Variants in MLIP observed in about 807,000 individuals in gnomAD.
MLIP encodes the protein muscular LMNA interacting protein.
Under a neutral mutation model 84.8 loss-of-function variants are expected in MLIP, and 79 were observed. The observed-to-expected ratio is 0.93, with a 90% CI of 0.78 to 1.12. The LOEUF is 1.12. MLIP is among the 50% of genes most tolerant of loss of function. MLIP has a pLI of 0.00. For missense variants in MLIP, 1,257 were observed against 1,160.6 expected, an observed-to-expected ratio of 1.08 and a Z score of -1.21; for synonymous variants, 504 against 463.0, an observed-to-expected ratio of 1.09 and a Z score of -1.14.
chr6:54,032,412 G>A (rs1042973080), intron 1 of MLIP: 1 of 152,042 alleles, frequency 6.6e-6, no homozygotes, highest in Non-Finnish European at 1.5e-5. Flanking sequence ...CCTGTGCTGA[G>A]GGGTAGCTTC....
chr6:54,111,610 CT>C (rs1207556997), intron 1 of MLIP, 35 bp downstream of exon 1: 7 of 1,532,016 alleles, frequency 4.6e-6, no homozygotes, highest in Non-Finnish European at 6.1e-6. Context: ...CTTTCAGTAA[CT>C]TTTAAAAGCA....
chr6:54,265,147 A>G (rs925416679), intron 13 of MLIP, among the ~76,000 whole-genome samples: 1 of 152,150 alleles, frequency 6.6e-6, no homozygotes, highest in African/African-American at 2.4e-5. Flanking sequence ...ACCTGGAAAT[A>G]GAAAGTTCTG....
intron 8 of MLIP, among the ~76,000 whole-genome samples, chr6:54,167,514 GTC>G (rs1170856882): frequency 1.3e-5 from 2 of 151,940 alleles, no homozygotes; most frequent in East Asian, 3.9e-4. Context: ...GTTGTTTTCA[GTC>G]TGGTTCTGAA....
chr6:54,216,776 G>A (rs1166921063), intron 11 of MLIP: 16 of 985,220 alleles, frequency 1.6e-5, no homozygotes, highest in Non-Finnish European at 1.9e-5. Context: ...TTCTAAGCAA[G>A]AAGATATGCC....
chr6:54,162,888 A>G (rs1422954429), intron 8 of MLIP, among the ~76,000 whole-genome samples: 1 of 151,962 alleles, frequency 6.6e-6, no homozygotes, highest in Non-Finnish European at 1.5e-5. Context: ...CAGGTCTGAC[A>G]AAGGAGGTGG....
chr6:54,084,836 T>C (rs1767384184), intron 1 of MLIP, among the ~76,000 whole-genome samples: 1 of 152,166 alleles, frequency 6.6e-6, no homozygotes, highest in Non-Finnish European at 1.5e-5. Flanking sequence ...CTTCAAAAAT[T>C]TGGCCATTGT....
rs762748342 is a variant in MLIP at position 54,149,050 on chromosome 6, T to G, written c.2218-6T>G. ...TCTACTCTTGCTTTCTGGTTGCCCA[T>G]TCTAGCAATACAAGACCAAGTCAAG... On this transcript the variant is annotated splice_region_variant and splice_polypyrimidine_tract_variant and intron_variant, in intron 4 of 13. Coordinates refer to ENST00000502396, the MANE Select transcript of MLIP (RefSeq NM_001281747.2). The G allele has an allele frequency of 6.2e-7, 1 of 1,611,998 alleles. No individual in the cohort carries two copies. The highest frequency in any genetic ancestry group is 8.5e-7 in the Non-Finnish European group (1 of 1,178,664).
At chr6:54,242,290 T>C (rs1469380662) in intron 12 of MLIP, among the ~76,000 whole-genome samples, 1 of 152,210 alleles carries the variant, frequency 6.6e-6, no homozygotes, top group Non-Finnish European at 1.5e-5. Context: ...CATTGAAGGT[T>C]GACTTTCCTT....
chr6:54,021,710 C>A (rs1026201744), intron 1 of MLIP, among the ~76,000 whole-genome samples: 2 of 152,142 alleles, frequency 1.3e-5, no homozygotes, highest in Non-Finnish European at 2.9e-5. Flanking sequence ...GGTACTTAAC[C>A]AATTCAAGGT....
intron 1 of MLIP, among the ~76,000 whole-genome samples, chr6:54,072,521 A>G (rs1231076513): frequency 1.3e-5 from 2 of 152,192 alleles, no homozygotes; most frequent in African/African-American, 2.4e-5. Context: ...TGATTCAGGC[A>G]TCTGTCTTCT....
At chr6:54,090,442 A>G (rs1335013214) in intron 1 of MLIP, among the ~76,000 whole-genome samples, 1 of 152,186 alleles carries the variant, frequency 6.6e-6, no homozygotes, top group East Asian at 1.9e-4. Context: ...CAAGTTTGAT[A>G]GACATTCTAG....
intron 4 of MLIP, among the ~76,000 whole-genome samples, chr6:54,140,061 C>T (rs947419369): frequency 2.0e-5 from 3 of 152,048 alleles, no homozygotes; most frequent in African/African-American, 4.8e-5. Context: ...ATTTTAAATA[C>T]ATATATGTGA....
chr6:54,205,575 T>C (rs958532685), intron 11 of MLIP, among the ~76,000 whole-genome samples: 35 of 152,326 alleles, frequency 2.3e-4, no homozygotes, highest in African/African-American at 7.7e-4. Context: ...CAGAAATGTA[T>C]TTACTGTAGT....
intron 10 of MLIP, 45 bp from the exon 11 acceptor site, chr6:54,202,060 G>A: frequency 1.5e-6 from 2 of 1,369,034 alleles, no homozygotes; most frequent in Non-Finnish European, 9.8e-7. Context: ...CATTTTAATA[G>A]TGTTTTTTTC....
intron 1 of MLIP, among the ~76,000 whole-genome samples, chr6:54,116,668 A>G (rs967605729): frequency 6.6e-6 from 1 of 152,232 alleles, no homozygotes; most frequent in African/African-American, 2.4e-5. Flanking sequence ...AAACATTTAA[A>G]GAAGAACTAA....
At chr6:54,177,205 C>T in intron 9 of MLIP, among the ~76,000 whole-genome samples, 1 of 152,020 alleles carries the variant, frequency 6.6e-6, no homozygotes, top group Non-Finnish European at 1.5e-5. Flanking sequence ...CAAATGGGAT[C>T]TAATTAACGA....
At chr6:54,252,470 AAATAT>A (rs1373741041) in intron 12 of MLIP, among the ~76,000 whole-genome samples, 5 of 138,890 alleles carry the variant, frequency 3.6e-5, no homozygotes, top group East Asian at 2.1e-4. Flanking sequence ...CATATAATAT[AAATAT>A]AATATATTAT....
intron 13 of MLIP, among the ~76,000 whole-genome samples, chr6:54,262,442 C>T (rs755760910): frequency 1.3e-5 from 2 of 151,958 alleles, no homozygotes; most frequent in Non-Finnish European, 2.9e-5. Context: ...ATGACAGCAT[C>T]GTTAATTATA....
At chr6:54,051,811 T>A (rs546162712) in intron 1 of MLIP, among the ~76,000 whole-genome samples, 3 of 152,250 alleles carry the variant, frequency 2.0e-5, no homozygotes, top group Admixed American at 2.0e-4. Context: ...TTGGGCTATA[T>A]AAATAAAGTT....
Sources: gnomAD v4.1 joint callset for allele counts (sites outside exome capture counted in the v4.1 genomes callset) on GRCh38, gnomAD v4.1.1 for gene constraint, MANE v1.5 for transcripts, NCBI Gene and HGNC (gene_info 2026-07-23, HGNC 2026-07-21) for gene names.